The following MACF1 variants were observed in gnomAD, a reference collection of about 807,000 sequenced individuals.
The protein encoded by MACF1 is microtubule actin crosslinking factor 1.
A neutral mutation model predicts 854.8 loss-of-function variants in MACF1; 193 were observed. The observed-to-expected ratio is 0.23, with a 90% CI of 0.20 to 0.25. MACF1 has a LOEUF of 0.25. Ranked by LOEUF, MACF1 falls within the 10% of genes least tolerant of loss-of-function variation. MACF1 has a pLI of 1.00. For synonymous variants in MACF1, 3,185 were observed against 3,226.7 expected, an observed-to-expected ratio of 0.99 and a Z score of 0.44; for missense variants, 7,722 against 8,929.1, an observed-to-expected ratio of 0.86 and a Z score of 5.45.
chr1:39,101,705 T>G (rs868132948), intron 2 of MACF1, among the ~76,000 whole-genome samples: 2 of 150,678 alleles, frequency 1.3e-5, no homozygotes, highest in Non-Finnish European at 3.0e-5. Flanking sequence ...GCGCCTGTAG[T>G]CCCACCTACT....
rs1233642986 is a variant in MACF1, at chr1:39,333,380, T to C, written c.6792T>C (p.Asp2264=). ...MMMSEKTDEE[D]SGREIFLSCS... ...TGTCAGAAAAGACCGATGAGGAAGATAGTGGCAGGGAAATTTTTCTGTCAT... is the reference window on the plus strand; with the variant it reads ...TGTCAGAAAAGACCGATGAGGAAGACAGTGGCAGGGAAATTTTTCTGTCAT... The change falls in exon 37 of 101, where the codon GAT becomes GAC. Residue 2264 remains aspartate (D), a synonymous_variant. Transcript: ENST00000564288. 6.2e-7 allele frequency: 1 copy of C among 1,613,916 alleles called. No homozygotes were observed. Among genetic ancestry groups the C allele is most frequent in the Non-Finnish European group, 8.5e-7 (1 of 1,179,978 alleles).
intron 44 of MACF1, among the ~76,000 whole-genome samples, chr1:39,356,098 C>T (rs186012151): frequency 2.2e-4 from 33 of 152,300 alleles, no homozygotes; most frequent in African/African-American, 7.2e-4. Flanking sequence ...ACACTGACAA[C>T]TCCCACTGTC....
chr1:39,482,811 AAAAAC>A (rs1400486746), intron 99 of MACF1, among the ~76,000 whole-genome samples: 9 of 148,454 alleles, frequency 6.1e-5, no homozygotes, highest in Non-Finnish European at 1.2e-4. Flanking sequence ...AAAAAAAAAA[AAAAAC>A]CCCACACAGA....
Position 39,310,350 on chromosome 1 carries a change from G to T in MACF1, c.3022G>T (p.Ala1008Ser). The T allele has an allele frequency of 6.2e-7, 1 of 1,614,148 alleles. No homozygotes were observed. The highest frequency in any genetic ancestry group is 1.3e-5 in the African/African-American group (1 of 75,032). ...TCGTGACTCTGTGCTGTTCTCAGTG[G>T]CTGATCGCTTGCGCTTGGAAGAGGA... ...DSRDSVLFSV[A>S]DRLRLEEEVE... The change falls in exon 25 of 101, where the codon GCT becomes TCT. Residue 1008 changes from alanine to serine, a missense_variant. Physicochemically the swap from Ala to Ser is moderately conservative, Grantham distance 99. Transcript: ENST00000564288.
At chr1:39,108,632 A>G (rs1409994697) in intron 2 of MACF1, among the ~76,000 whole-genome samples, 2 of 151,742 alleles carry the variant, frequency 1.3e-5, no homozygotes, top group African/African-American at 2.4e-5. Flanking sequence ...TTAAGAAGGA[A>G]TAGTCAGGGA....
At chr1:39,412,964 C>T (rs1385062018) in intron 58 of MACF1, 1 of 1,592,348 alleles carries the variant, frequency 6.3e-7, no homozygotes, top group African/African-American at 1.3e-5. Flanking sequence ...ACAGCTGCTG[C>T]AGTATCAGCC....
Position 39,381,960 on chromosome 1 carries a change from A to G in MACF1, c.13656A>G (p.Arg4552=). Reference sequence around the variant, plus strand: ...CTCATTTCCTCTCTACAGATTCCCGATGGGAAAGGGCCACTGAGGTTACTG... The same window carrying G: ...CTCATTTCCTCTCTACAGATTCCCGGTGGGAAAGGGCCACTGAGGTTACTG... The part of the protein sequence containing the change: ...WKKIQEELNS[R]WERATEVTVA... Residue 4552 remains arginine, a synonymous_variant, in exon 56 of 101, where the codon CGA becomes CGG. Coordinates refer to ENST00000564288, the MANE Select transcript of MACF1 (RefSeq NM_001394062.1). The G allele has an allele frequency of 6.2e-7, 1 of 1,613,040 alleles. No individual in the cohort carries two copies. Among genetic ancestry groups the G allele is most frequent in the East Asian group, 2.2e-5 (1 of 44,886 alleles).
intron 6 of MACF1, among the ~76,000 whole-genome samples, chr1:39,265,226 A>G (rs1341584941): frequency 6.6e-6 from 1 of 152,012 alleles, no homozygotes; most frequent in Non-Finnish European, 1.5e-5. Flanking sequence ...TGGCATATAG[A>G]TGAGGCACCA....
At chr1:39,414,057 A>G in intron 58 of MACF1, 1 of 1,605,410 alleles carries the variant, frequency 6.2e-7, no homozygotes, top group Non-Finnish European at 8.5e-7. Context: ...TGCTCACCCC[A>G]GAGGAACTCA....
At chr1:39,098,029 A>G (rs932261301) in intron 2 of MACF1, among the ~76,000 whole-genome samples, 33 of 152,054 alleles carry the variant, frequency 2.2e-4, no homozygotes, top group African/African-American at 7.2e-4. Context: ...CCAATTCCCC[A>G]AAGAGTATAG....
intron 49 of MACF1, among the ~76,000 whole-genome samples, chr1:39,367,007 G>T (rs1444949391): frequency 6.9e-6 from 1 of 145,064 alleles, no homozygotes; most frequent in African/African-American, 2.6e-5. Flanking sequence ...GAGTGCAGTG[G>T]CACAATCTTG....
intron 48 of MACF1, 45 bp downstream of exon 48, chr1:39,361,046 A>C: frequency 6.7e-7 from 1 of 1,486,176 alleles, no homozygotes; most frequent in East Asian, 2.3e-5. Flanking sequence ...TATGTTTGCT[A>C]TGTGCCATCA....
chr1:39,244,346 A>T (rs548259126), intron 2 of MACF1, among the ~76,000 whole-genome samples: 19 of 151,822 alleles, frequency 1.3e-4, no homozygotes, highest in Non-Finnish European at 2.5e-4. Context: ...CAGTGTCGTG[A>T]TCTCGGTTCA....
At chr1:39,085,036 G>T (rs1206943417) in intron 2 of MACF1, among the ~76,000 whole-genome samples, 2 of 152,180 alleles carry the variant, frequency 1.3e-5, no homozygotes, top group African/African-American at 2.4e-5. Context: ...GCTACCTCCT[G>T]TGGTGGGATG....
intron 58 of MACF1, chr1:39,410,517 A>C: frequency 1.9e-6 from 3 of 1,614,056 alleles, no homozygotes; most frequent in Non-Finnish European, 2.5e-6. Flanking sequence ...ATGTTTTTGA[A>C]TCTAGAGCAC....
At chr1:39,192,259 C>T (rs1423176629) in intron 2 of MACF1, among the ~76,000 whole-genome samples, 1 of 152,174 alleles carries the variant, frequency 6.6e-6, no homozygotes, top group Non-Finnish European at 1.5e-5. Context: ...GCATTACTCA[C>T]CAGGCACACA....
In MACF1 at chr1:39,170,173, T is replaced by C. The variant is rs536173048; in HGVS notation, c.221-61009T>C. The stretch of plus-strand genomic sequence containing the variant: ...ATTCCTTCAAGTTTCACTTCAGGTC[T>C]TTCTTCTGATGAAGACTTCTCTGAT... On this transcript the variant is annotated intron_variant, in intron 2 of 93. Transcript: ENST00000361689. Among the ~76,000 whole-genome samples the C allele has an allele frequency of 2.6e-4, 39 of 152,310 alleles. No homozygotes were observed. In the East Asian group the frequency reaches 6.4e-3, roughly 25 times the overall value.
chr1:39,097,297 A>G (rs916211555), intron 2 of MACF1, among the ~76,000 whole-genome samples: 4 of 152,156 alleles, frequency 2.6e-5, no homozygotes, highest in African/African-American at 9.7e-5. Flanking sequence ...TCCCCAGAAC[A>G]CACAGAGCTA....
In MACF1 at chr1:39,427,436, G is replaced by C. The variant is rs370489522; in HGVS notation, c.16317-19G>C. ...TGTGACTTTTCTTCCTGAGCAGCTTGTTCTATATATTTGTGTAGGCAAAAA... is the reference window on the plus strand; with the variant it reads ...TGTGACTTTTCTTCCTGAGCAGCTTCTTCTATATATTTGTGTAGGCAAAAA... On this transcript the variant is annotated intron_variant, in intron 61 of 100. Transcript: ENST00000564288. 1.2e-5 allele frequency: 20 copies of C among 1,611,624 alleles called. No homozygotes were observed. The African/African-American group carries it at 2.7e-4, about 22-fold the overall frequency.
Sources: gnomAD v4.1 joint callset for allele counts (sites outside exome capture counted in the v4.1 genomes callset) on GRCh38, gnomAD v4.1.1 for gene constraint, MANE v1.5 for transcripts, NCBI Gene and HGNC (gene_info 2026-07-23, HGNC 2026-07-21) for gene names.